Variants in PIK3C2G observed in about 807,000 individuals in gnomAD.
The protein encoded by PIK3C2G is phosphatidylinositol-4-phosphate 3-kinase catalytic subunit type 2 gamma.
Under a neutral mutation model 181.1 loss-of-function variants are expected in PIK3C2G, and 168 were observed. That is an observed-to-expected ratio of 0.93 (90% CI 0.82 to 1.05). PIK3C2G has a LOEUF of 1.05. PIK3C2G is among the 50% of genes least tolerant of loss of function. PIK3C2G has a pLI of 0.00. For synonymous variants in PIK3C2G, 573 were observed against 592.2 expected, an observed-to-expected ratio of 0.97 and a Z score of 0.47; for missense variants, 1,869 against 1,732.8, an observed-to-expected ratio of 1.08 and a Z score of -1.40.
At chr12:18,427,599 C>A in intron 18 of PIK3C2G, among the ~76,000 whole-genome samples, 1 of 150,208 alleles carries the variant, frequency 6.7e-6, no homozygotes, top group Non-Finnish European at 1.5e-5. Context: ...ATACTTGGAC[C>A]ACCTCAGTAA....
chr12:18,398,282 GA>G (rs1335687650), intron 15 of PIK3C2G, among the ~76,000 whole-genome samples: 2 of 152,154 alleles, frequency 1.3e-5, no homozygotes, highest in African/African-American at 2.4e-5. Context: ...CAGTATTGGG[GA>G]AAAAAATTTA....
chr12:18,386,475 C>T (rs1034544262), intron 14 of PIK3C2G, among the ~76,000 whole-genome samples: 1 of 152,144 alleles, frequency 6.6e-6, no homozygotes, highest in Middle Eastern at 3.2e-3. Context: ...AACCACTAAT[C>T]TTCTTTCTAT....
rs369864015 is a variant in PIK3C2G, at chr12:18,334,254, C to T, written c.1273-4172C>T. 6.6e-5 allele frequency among the ~76,000 whole-genome samples: 10 copies of T among 152,252 alleles called. 1 individual carries two copies. Among genetic ancestry groups the T allele is most frequent in the African/African-American group, 2.4e-4 (10 of 41,570 alleles). On this transcript the variant is annotated intron_variant, in intron 8 of 32. Transcript: ENST00000538779. ...GAATCTGGAGCACCTTTCTACTCAA[C>T]AGGCAGCCTACGCAGTTTTTGGACA...
chr12:18,362,907 A>G, intron 12 of PIK3C2G, 21 bp downstream of exon 12: 1 of 1,455,106 alleles, frequency 6.9e-7, no homozygotes, highest in Non-Finnish European at 9.1e-7. Flanking sequence ...TCTTTACTGT[A>G]TCTGGATCAT....
At chr12:18,531,929 G>T (rs12818686) in intron 24 of PIK3C2G, among the ~76,000 whole-genome samples, 2 of 151,818 alleles carry the variant, frequency 1.3e-5, no homozygotes, top group African/African-American at 4.8e-5. Context: ...GTTGTATCTT[G>T]TTGTTGTTTT....
intron 24 of PIK3C2G, among the ~76,000 whole-genome samples, chr12:18,509,769 T>G (rs1942089178): frequency 6.6e-6 from 1 of 152,176 alleles, no homozygotes; most frequent in Non-Finnish European, 1.5e-5. Flanking sequence ...ATCCTGCATA[T>G]AAACAAATGA....
the PIK3C2G span, among the ~76,000 whole-genome samples, chr12:18,689,229 C>A: frequency 4.0e-4 from 61 of 152,132 alleles, no homozygotes; most frequent in South Asian, 0.012. Context: ...AGGTAATAGA[C>A]CCTTCCCAAA....
downstream of PIK3C2G, among the ~76,000 whole-genome samples, chr12:18,650,781 A>G (rs940703393): frequency 3.7e-4 from 48 of 128,858 alleles, 1 homozygote; most frequent in African/African-American, 1.3e-3. Flanking sequence ...TCCATCAGGA[A>G]GTCCTGTTGG....
At chr12:18,272,119 A>T (rs1243119750) in intron 1 of PIK3C2G, among the ~76,000 whole-genome samples, 1 of 152,124 alleles carries the variant, frequency 6.6e-6, no homozygotes, top group African/African-American at 2.4e-5. Context: ...CCTAAATTGC[A>T]TGGCTTTATT....
intron 18 of PIK3C2G, among the ~76,000 whole-genome samples, chr12:18,466,872 A>G (rs1204871400): frequency 2.0e-5 from 3 of 152,084 alleles, no homozygotes; most frequent in Admixed American, 2.0e-4. Context: ...AAACAAAGTA[A>G]TAACATTTGA....
chr12:18,699,869 A>C, the PIK3C2G span: 1 of 1,613,128 alleles, frequency 6.2e-7, no homozygotes, highest in Non-Finnish European at 8.5e-7. Flanking sequence ...TATAATCTTG[A>C]ATGTTGAAAG....
chr12:18,669,665 C>CTTT, the PIK3C2G span, among the ~76,000 whole-genome samples: 281 of 148,656 alleles, frequency 1.9e-3, no homozygotes, highest in African/African-American at 6.0e-3. Flanking sequence ...CTCTTCCTCT[C>CTTT]TTTTTTTTTT....
the PIK3C2G span, chr12:18,693,942 A>T: frequency 5.9e-6 from 9 of 1,521,188 alleles, no homozygotes; most frequent in African/African-American, 1.2e-4. Context: ...GCTAAAGATG[A>T]CCTCTCTGGT....
At chr12:18,347,601 G>A (rs550823036) in intron 11 of PIK3C2G, among the ~76,000 whole-genome samples, 1 of 152,100 alleles carries the variant, frequency 6.6e-6, no homozygotes, top group Non-Finnish European at 1.5e-5. Context: ...CTTCAGGTCA[G>A]AGGTTCAAAA....
the PIK3C2G span, chr12:18,705,268 A>G: frequency 6.2e-7 from 1 of 1,614,126 alleles, no homozygotes; most frequent in South Asian, 1.1e-5. Context: ...CTTGTTGGGC[A>G]GTGGAGCAGT....
At chr12:18,616,134 T>C (rs576232818) in intron 31 of PIK3C2G, among the ~76,000 whole-genome samples, 6 of 152,224 alleles carry the variant, frequency 3.9e-5, no homozygotes, top group Admixed American at 1.3e-4. Flanking sequence ...CTCCTGCTCC[T>C]AGTGACCTTT....
intron 31 of PIK3C2G, among the ~76,000 whole-genome samples, chr12:18,611,968 C>T (rs575637210): frequency 6.6e-6 from 1 of 152,180 alleles, no homozygotes; most frequent in Non-Finnish European, 1.5e-5. Flanking sequence ...AAAGTCAGAT[C>T]CTGTCATTCC....
At chr12:18,293,740 C>T (rs1949812203) in intron 4 of PIK3C2G, among the ~76,000 whole-genome samples, 161 bp from the exon 5 acceptor site, 1 of 152,132 alleles carries the variant, frequency 6.6e-6, no homozygotes, top group South Asian at 2.1e-4. Flanking sequence ...TTAAATCTAA[C>T]CAGTCTGATA....
At chr12:18,245,224 T>G (rs773188242), upstream of PIK3C2G, among the ~76,000 whole-genome samples, 2 of 152,098 alleles carry the variant, frequency 1.3e-5, no homozygotes, top group South Asian at 4.1e-4. Context: ...GGAGCATCTC[T>G]TACTCAGAAA....
Sources: allele counts gnomAD v4.1 joint callset (sites outside exome capture counted in the v4.1 genomes callset), GRCh38; gene constraint gnomAD v4.1.1; transcripts MANE v1.5; gene names NCBI Gene and HGNC (gene_info 2026-07-23, HGNC 2026-07-21).